Variants in FILIP1L observed in about 807,000 individuals in gnomAD.
FILIP1L encodes the protein filamin A-interacting protein 1-like.
In FILIP1L, 55 loss-of-function variants were observed where a neutral mutation model predicts 96.6. The ratio of observed to expected loss-of-function variants is 0.57; its 90% CI spans 0.46 to 0.71. FILIP1L has a LOEUF of 0.71. FILIP1L is among the 30% of genes least tolerant of loss of function. FILIP1L has a pLI of 0.00. For synonymous variants in FILIP1L, 467 were observed against 473.9 expected (o/e 0.99, Z 0.19); for missense variants, 1,304 against 1,321.2 (o/e 0.99, Z 0.20).
intron 3 of FILIP1L, among the ~76,000 whole-genome samples, chr3:99,926,705 C>T (rs551638724): frequency 3.5e-4 from 53 of 152,222 alleles, no homozygotes; most frequent in African/African-American, 1.2e-3. Flanking sequence ...AACAGTATTT[C>T]CTTGGAGAGC....
intron 1 of FILIP1L, among the ~76,000 whole-genome samples, chr3:99,983,504 ATATATG>A (rs1236538559): frequency 1.5e-4 from 17 of 112,250 alleles, no homozygotes; most frequent in East Asian, 4.7e-4. Context: ...ATATATATAT[ATATATG>A]TATATATATA....
At chr3:100,020,790 C>G (rs1214659642) in intron 1 of FILIP1L, among the ~76,000 whole-genome samples, 2 of 88,798 alleles carry the variant, frequency 2.3e-5, no homozygotes, top group Non-Finnish European at 4.0e-5. Context: ...TTTTTTGAGA[C>G]AGAGTCTTGC....
chr3:99,978,989 G>A (rs189786624), intron 1 of FILIP1L, among the ~76,000 whole-genome samples: 51 of 152,228 alleles, frequency 3.4e-4, no homozygotes, highest in African/African-American at 1.2e-3. Flanking sequence ...ACAAAATTAC[G>A]GCTAGATAAA....
intron 1 of FILIP1L, chr3:100,075,754 G>A (rs1362670171): frequency 1.3e-5 from 2 of 152,132 alleles, no homozygotes; most frequent in African/African-American, 4.8e-5. Context: ...TCATCCCACA[G>A]TGATAGTAAC....
intron 1 of FILIP1L, among the ~76,000 whole-genome samples, chr3:100,049,775 C>G (rs984902672): frequency 6.6e-6 from 1 of 152,110 alleles, no homozygotes; most frequent in Non-Finnish European, 1.5e-5. Flanking sequence ...CTAACATTTT[C>G]TTTTCTCTAG....
Position 99,930,962 on chromosome 3 carries a change from G to T in FILIP1L, c.59C>A (p.Thr20Asn), listed in dbSNP as rs1392145500. The change falls in exon 2 of 6, where the codon ACT becomes AAT. Residue 20 changes from threonine to asparagine, a missense_variant. Thr to Asn is a moderately conservative substitution (Grantham distance 65). Transcript: ENST00000477258. ...AGGCCCTTGGAAACTGTGGCCTTTA[G>T]TATGTCTTGGAAATTTCTTTTGGGC... ...GSAQKKFPRHTKGHSFQGPKN... is the reference protein window; with the variant it reads ...GSAQKKFPRHNKGHSFQGPKN... The T allele has an allele frequency of 6.2e-7, 1 of 1,613,682 alleles. No homozygotes were observed. Among genetic ancestry groups the T allele is most frequent in the Non-Finnish European group, 8.5e-7 (1 of 1,179,870 alleles).
chr3:99,991,729 G>A (rs1021730456), intron 1 of FILIP1L, among the ~76,000 whole-genome samples: 17 of 151,816 alleles, frequency 1.1e-4, no homozygotes, highest in Non-Finnish European at 1.9e-4. Context: ...CGTTATTTCA[G>A]TGAGGATAAT....
At chr3:99,844,660 A>T (rs977631478) in intron 5 of FILIP1L, among the ~76,000 whole-genome samples, 1 of 152,186 alleles carries the variant, frequency 6.6e-6, no homozygotes, top group African/African-American at 2.4e-5. Context: ...CCCTTCTATG[A>T]CCATCTCACA....
rs149007959 is a variant in FILIP1L, at chr3:99,962,376, C to T, written c.-10-31346G>A. ...TATTGTTCTCTTGGGAACATAATTA[C>T]TATGGGCAACATAAAAGGTTCTGCA... On this transcript the variant is annotated intron_variant, in intron 1 of 5. Coordinates refer to ENST00000477258, the MANE Select transcript of FILIP1L (RefSeq NM_001387850.1). Among the ~76,000 whole-genome samples, 8 of 152,218 alleles carry T rather than the reference C, an allele frequency of 5.3e-5. No homozygotes were observed. The East Asian group carries it at 1.5e-3, about 29-fold the overall frequency.
chr3:99,943,251 T>C (rs1418928515), intron 1 of FILIP1L, among the ~76,000 whole-genome samples: 1 of 152,194 alleles, frequency 6.6e-6, no homozygotes, highest in Non-Finnish European at 1.5e-5. Context: ...GACTGGCTTT[T>C]GTGTGTGGCC....
At chr3:99,877,816 T>C (rs534831220) in intron 4 of FILIP1L, among the ~76,000 whole-genome samples, 1 of 152,332 alleles carries the variant, frequency 6.6e-6, no homozygotes, top group South Asian at 2.1e-4. Flanking sequence ...GTATGATGCA[T>C]AAACACCTGA....
At chr3:100,102,083 G>A (rs1195628658) in intron 1 of FILIP1L, among the ~76,000 whole-genome samples, 2 of 152,118 alleles carry the variant, frequency 1.3e-5, no homozygotes, top group Non-Finnish European at 2.9e-5. Context: ...ATAAACATAC[G>A]TGTGCATGTG....
chr3:100,108,165 CT>C (rs1397672609), intron 1 of FILIP1L, among the ~76,000 whole-genome samples: 1 of 152,116 alleles, frequency 6.6e-6, no homozygotes, highest in East Asian at 1.9e-4. Flanking sequence ...TAGCCCATGG[CT>C]TCTTAATTCG....
At chr3:99,884,752 C>A (rs1705838643) in intron 4 of FILIP1L, among the ~76,000 whole-genome samples, 1 of 152,168 alleles carries the variant, frequency 6.6e-6, no homozygotes, top group Non-Finnish European at 1.5e-5. Context: ...TGTTAGCTTT[C>A]AGTTCATTTT....
chr3:99,983,334 G>A (rs2107735566), intron 1 of FILIP1L, among the ~76,000 whole-genome samples: 1 of 144,922 alleles, frequency 6.9e-6, no homozygotes, highest in South Asian at 2.2e-4. Flanking sequence ...AGGAGTTCAA[G>A]ACCAGCCTGG....
At chr3:100,060,711 G>A (rs1008025516) in intron 1 of FILIP1L, among the ~76,000 whole-genome samples, 3 of 151,766 alleles carry the variant, frequency 2.0e-5, no homozygotes, top group Non-Finnish European at 4.4e-5. Flanking sequence ...AAAAACACAA[G>A]ATTTAGCCAG....
intron 1 of FILIP1L, among the ~76,000 whole-genome samples, chr3:100,097,110 A>G (rs2066223286): frequency 6.6e-6 from 1 of 152,196 alleles, no homozygotes. Context: ...CAGCAGCATT[A>G]GATTCTCATA....
At chr3:99,901,511 T>A (rs564124306) in intron 4 of FILIP1L, among the ~76,000 whole-genome samples, 2 of 152,362 alleles carry the variant, frequency 1.3e-5, no homozygotes, top group African/African-American at 4.8e-5. Flanking sequence ...TTTCAAATTA[T>A]GTACTTTTGC....
At chr3:100,078,031 TAAC>T (rs2065876772) in intron 1 of FILIP1L, among the ~76,000 whole-genome samples, 1 of 152,064 alleles carries the variant, frequency 6.6e-6, no homozygotes, top group Non-Finnish European at 1.5e-5. Context: ...TTAATTGTAC[TAAC>T]AATATTGAGT....
Sources: allele counts gnomAD v4.1 joint callset (sites outside exome capture counted in the v4.1 genomes callset), GRCh38; gene constraint gnomAD v4.1.1; transcripts MANE v1.5; gene names NCBI Gene and HGNC (gene_info 2026-07-23, HGNC 2026-07-21).